PRSS55: variants seen among roughly 807,000 people sequenced by gnomAD.
PRSS55 encodes the protein serine protease 55, also known as probable serine protease UNQ9391/PRO34284.
Under a neutral mutation model 23.6 loss-of-function variants are expected in PRSS55, and 41 were observed. That is an observed-to-expected ratio of 1.74 (90% CI 1.35 to 2.26). PRSS55 has a LOEUF of 2.26. Ranked by LOEUF, PRSS55 falls within the 30% of genes most tolerant of loss-of-function variation. The probability of loss-of-function intolerance (pLI) is 0.00; values close to 1 mark genes in which losing one functional copy is unlikely to be tolerated. For missense variants in PRSS55, 669 were observed against 439.1 expected, an observed-to-expected ratio of 1.52 and a Z score of -4.68; for synonymous variants, 262 against 175.5, an observed-to-expected ratio of 1.49 and a Z score of -3.90.
At chr8:10,534,083 T>G (rs1419987390) in intron 4 of PRSS55, among the ~76,000 whole-genome samples, 1 of 151,774 alleles carries the variant, frequency 6.6e-6, no homozygotes, top group African/African-American at 2.4e-5. Flanking sequence ...ACATGAACCT[T>G]GTATTTTCTT....
intron 4 of PRSS55, among the ~76,000 whole-genome samples, chr8:10,551,413 G>A (rs1323762501): frequency 6.6e-6 from 1 of 152,210 alleles, no homozygotes; most frequent in Non-Finnish European, 1.5e-5. Context: ...AAGACAGGCA[G>A]TGCCCGGTGG....
intron 4 of PRSS55, among the ~76,000 whole-genome samples, chr8:10,538,098 C>T (rs1812518005): frequency 6.6e-6 from 1 of 152,180 alleles, no homozygotes; most frequent in Admixed American, 6.5e-5. Flanking sequence ...TGTCCCATTC[C>T]CTTTCCTGCC....
intron 4 of PRSS55, among the ~76,000 whole-genome samples, chr8:10,550,615 C>A (rs983487403): frequency 1.3e-5 from 2 of 152,166 alleles, no homozygotes; most frequent in African/African-American, 4.8e-5. Flanking sequence ...CTTCTGAGAC[C>A]GATTGCCTGA....
intron 4 of PRSS55, chr8:10,553,919 G>T (rs777844840): frequency 6.9e-7 from 1 of 1,454,656 alleles, no homozygotes; most frequent in Non-Finnish European, 9.1e-7. Context: ...TTTTTAATTT[G>T]TCAATTTAAT....
intron 4 of PRSS55, chr8:10,553,885 A>AT (rs1324278027): frequency 3.4e-6 from 4 of 1,188,004 alleles, no homozygotes; most frequent in Non-Finnish European, 4.7e-6. Flanking sequence ...AAAGCACCAC[A>AT]TTGTACAATA....
At chr8:10,542,667 A>T (rs1390090805), downstream of PRSS55, among the ~76,000 whole-genome samples, 3 of 151,918 alleles carry the variant, frequency 2.0e-5, no homozygotes, top group African/African-American at 7.3e-5. Flanking sequence ...CAGGAGTTCA[A>T]GACCAGCCTG....
Position 10,533,876 on chromosome 8 carries a change from T to C in PRSS55, c.741+828T>C, listed in dbSNP as rs550104676. On this transcript the variant is annotated intron_variant, in intron 4 of 4. Coordinates refer to ENST00000328655, the MANE Select transcript of PRSS55 (RefSeq NM_198464.4). The stretch of plus-strand genomic sequence containing the variant: ...AAGAAAGATATTTATCTATCTGTTA[T>C]GGTTTAATGTGAGAAAATTGGTAGT... Among the ~76,000 whole-genome samples the C allele has an allele frequency of 5.9e-5, 9 of 152,294 alleles. No individual in the cohort carries two copies. The East Asian group carries it at 1.7e-3, about 29-fold the overall frequency.
intron 4 of PRSS55, among the ~76,000 whole-genome samples, chr8:10,538,168 C>A (rs982212879): frequency 1.3e-5 from 2 of 152,158 alleles, no homozygotes; most frequent in Non-Finnish European, 2.9e-5. Context: ...CAAAACAAGT[C>A]TCCACTCATC....
chr8:10,553,824 T>C, intron 4 of PRSS55: 1 of 624,952 alleles, frequency 1.6e-6, no homozygotes, highest in Non-Finnish European at 2.7e-6. Context: ...AGGTGATGGA[T>C]ATGTTAATTA....
intron 4 of PRSS55, among the ~76,000 whole-genome samples, chr8:10,533,366 A>G (rs1363624683): frequency 6.6e-6 from 1 of 152,224 alleles, no homozygotes; most frequent in African/African-American, 2.4e-5. Context: ...TGGTATCTAT[A>G]TAAGAAGTCA....
At chr8:10,529,361 G>T in intron 1 of PRSS55, 146 bp from the exon 2 acceptor site, 2 of 793,316 alleles carry the variant, frequency 2.5e-6, no homozygotes, top group South Asian at 3.0e-5. Flanking sequence ...GGGCTGCCCC[G>T]CTCGGCAGCC....
downstream of PRSS55, among the ~76,000 whole-genome samples, chr8:10,542,419 GAA>G (rs1554584731): frequency 3.0e-5 from 4 of 133,524 alleles, no homozygotes; most frequent in African/African-American, 9.3e-5. Context: ...CCATGCGGGG[GAA>G]AAAAAAAAAA....
intron 1 of PRSS55, among the ~76,000 whole-genome samples, chr8:10,528,037 A>G (rs936029314): frequency 1.3e-5 from 2 of 152,122 alleles, no homozygotes; most frequent in African/African-American, 2.4e-5. Flanking sequence ...ACATACAGTG[A>G]AACCCTGTCT....
At chr8:10,545,075 G>A (rs536723517) in intron 4 of PRSS55, 2 of 935,196 alleles carry the variant, frequency 2.1e-6, no homozygotes, top group African/African-American at 1.8e-5. Flanking sequence ...AAAGACCAGG[G>A]CTTTTGGTTT....
Position 10,525,551 on chromosome 8 carries a change from C to T in PRSS55, c.-35C>T, listed in dbSNP as rs761619011. 8 of 1,600,398 alleles carry T rather than the reference C, an allele frequency of 5.0e-6. No individual in the cohort carries two copies. The highest frequency in any genetic ancestry group is 6.8e-6 in the Non-Finnish European group (8 of 1,170,578). ...AGCCTCACTGCCTCAGCCCTGGCCT[C>T]TGTCACCCCCGGGCCCACAGCACAG... On this transcript the variant is annotated 5_prime_UTR_variant, in exon 1 of 5. Transcript: ENST00000328655.
chr8:10,539,111 G>C (rs770522322), downstream of PRSS55, among the ~76,000 whole-genome samples: 78 of 151,928 alleles, frequency 5.1e-4, 1 homozygote, highest in Non-Finnish European at 6.0e-4. Flanking sequence ...CTTCAGGCGT[G>C]GCTGAGTCCA....
At chr8:10,553,943 C>A in exon 5 of PRSS55, 1 of 1,508,702 alleles carries the variant, frequency 6.6e-7, no homozygotes. Flanking sequence ...TTTTTTAAAG[C>A]AAAGCTATTT....
chr8:10,546,256 C>T (rs1043953511), intron 4 of PRSS55, among the ~76,000 whole-genome samples: 7 of 152,160 alleles, frequency 4.6e-5, no homozygotes, highest in African/African-American at 9.7e-5. Flanking sequence ...GAGGCTGTAA[C>T]GATGCAGAAA....
chr8:10,538,499 C>T lies in PRSS55; in HGVS notation c.765C>T (p.Val255=), dbSNP rs1284147574. 1.2e-6 allele frequency: 2 copies of T among 1,613,598 alleles called. No homozygotes were observed. Among genetic ancestry groups the T allele is most frequent in the East Asian group, 2.2e-5 (1 of 44,876 alleles). Residue 255 remains valine (V), a synonymous_variant, in exon 5 of 5, where the codon GTC becomes GTT. Coordinates refer to ENST00000328655, the MANE Select transcript of PRSS55 (RefSeq NM_198464.4). ...AGGGTGACAGTGGGGGGCCTCTGGT[C>T]TGCACCCCAGAGCCTGGTGAGAAGT... ...ACKGDSGGPL[V]CTPEPGEKWY...
Sources: allele counts gnomAD v4.1 joint callset (sites outside exome capture counted in the v4.1 genomes callset), GRCh38; gene constraint gnomAD v4.1.1; transcripts MANE v1.5; gene names NCBI Gene and HGNC (gene_info 2026-07-23, HGNC 2026-07-21).